Variants in PTK2 observed in about 807,000 individuals in gnomAD.
PTK2 encodes protein tyrosine kinase 2.
Under a neutral mutation model 150.1 loss-of-function variants are expected in PTK2, and 45 were observed. The ratio of observed to expected loss-of-function variants is 0.30; its 90% CI spans 0.24 to 0.38. The LOEUF (loss-of-function observed/expected upper bound fraction) is 0.38. Among genes scored for constraint, PTK2 ranks in the 10% least tolerant of loss-of-function variants. The pLI, the probability that PTK2 is intolerant of heterozygous loss-of-function variation, is 1.00. For missense variants in PTK2, 919 were observed against 1,307.3 expected, an observed-to-expected ratio of 0.70 and a Z score of 4.58; for synonymous variants, 432 against 449.2, an observed-to-expected ratio of 0.96 and a Z score of 0.48.
chr8:140,740,310 G>C (rs1332697992), intron 20 of PTK2, among the ~76,000 whole-genome samples: 1 of 152,202 alleles, frequency 6.6e-6, no homozygotes, highest in Admixed American at 6.5e-5. Flanking sequence ...TAATGACTGA[G>C]AGGATGACCA....
intron 8 of PTK2, among the ~76,000 whole-genome samples, chr8:140,830,075 GCACACACATACACACACACACA>G (rs1192675502): frequency 8.9e-6 from 1 of 111,816 alleles, no homozygotes; most frequent in Non-Finnish European, 1.7e-5. Context: ...TAACATGCAC[GCACACACATACACACACACACA>G]CACACACACA....
rs186986619 is a variant in PTK2 at position 140,698,064 on chromosome 8, C to T, written c.2499+2827G>A. Among the ~76,000 whole-genome samples, 500 of 152,032 alleles carry T rather than the reference C, an allele frequency of 3.3e-3. 3 individuals carry two copies. The highest frequency in any genetic ancestry group is 0.012 in the African/African-American group (486 of 41,460). ...GGAATGTATTTCCTGAGCCTGTCTG[C>T]CCTAAAAATTCCAATTTCTCCTTTA... On this transcript the variant is annotated intron_variant, in intron 26 of 31. Transcript: ENST00000522684.
At position 140,949,582 on chromosome 8, in the gene PTK2, C is replaced by T. The variant is rs558916845; in HGVS notation, c.-121-23833G>A. ...GTCTGTCACAACCTGGCCGAGTATG[C>T]ACATGCTCGAGGCAGCGCTGACACA... On this transcript the variant is annotated intron_variant, in intron 1 of 31. Transcript: ENST00000522684. Among the ~76,000 whole-genome samples, 70 of 152,360 alleles carry T rather than the reference C, an allele frequency of 4.6e-4. No individual in the cohort carries two copies. The South Asian group carries it at 0.013, about 28-fold the overall frequency.
At chr8:140,708,198 C>G (rs60834846) in intron 23 of PTK2, among the ~76,000 whole-genome samples, 4 of 152,002 alleles carry the variant, frequency 2.6e-5, no homozygotes, top group Non-Finnish European at 5.9e-5. Context: ...GGAAAGAAAA[C>G]GCCTTAGTGT....
chr8:140,694,185 C>T lies in PTK2; in HGVS notation c.2499+6706G>A, dbSNP rs552015646. Among the ~76,000 whole-genome samples the T allele has an allele frequency of 4.9e-4, 75 of 151,946 alleles. No individual in the cohort carries two copies. The East Asian group carries it at 0.013, about 27-fold the overall frequency. On this transcript the variant is annotated intron_variant, in intron 26 of 31. Transcript: ENST00000522684. ...CCTCCTGAGTAGCTGGGACTACAGG[C>T]ACCTGCCACTACGCCCAGCTAATTT...
chr8:140,887,295 T>A (rs2100152662), intron 3 of PTK2, among the ~76,000 whole-genome samples: 1 of 152,140 alleles, frequency 6.6e-6, no homozygotes, highest in Non-Finnish European at 1.5e-5. Flanking sequence ...TGGTTTCACA[T>A]CTACAGAAAA....
chr8:140,784,676 T>C (rs1207047923), intron 14 of PTK2, among the ~76,000 whole-genome samples: 1 of 152,178 alleles, frequency 6.6e-6, no homozygotes, highest in Non-Finnish European at 1.5e-5. Context: ...TTCCAAGTTG[T>C]ACCCGAGCTC....
intron 5 of PTK2, among the ~76,000 whole-genome samples, chr8:140,863,026 C>G (rs1394712313): frequency 6.6e-6 from 1 of 152,200 alleles, no homozygotes; most frequent in Non-Finnish European, 1.5e-5. Context: ...GCTTCCTACT[C>G]TCTCAGCTTG....
At chr8:140,902,588 C>A (rs987430987) in intron 2 of PTK2, among the ~76,000 whole-genome samples, 2 of 152,152 alleles carry the variant, frequency 1.3e-5, no homozygotes, top group Non-Finnish European at 2.9e-5. Context: ...AGTGTAAAAG[C>A]GTTCCTATTT....
intron 7 of PTK2, among the ~76,000 whole-genome samples, chr8:140,835,029 GA>G (rs2100117859): frequency 6.6e-6 from 1 of 152,128 alleles, no homozygotes; most frequent in Non-Finnish European, 1.5e-5. Flanking sequence ...AATGCTGCAG[GA>G]AAAGAGGCTG....
chr8:140,811,965 G>C (rs1311491816), intron 10 of PTK2, among the ~76,000 whole-genome samples: 1 of 152,210 alleles, frequency 6.6e-6, no homozygotes, highest in Non-Finnish European at 1.5e-5. Flanking sequence ...GAGCTGGGGA[G>C]AGTGTAAGCA....
chr8:140,793,428 CT>C, intron 12 of PTK2, 44 bp from the exon 13 acceptor site: 4 of 1,593,432 alleles, frequency 2.5e-6, no homozygotes, highest in Non-Finnish European at 3.4e-6. Flanking sequence ...CTTTTCACTC[CT>C]TTTGAAAAGA....
At position 140,710,894 on chromosome 8, in the gene PTK2, GAGA is replaced by G. The variant is rs375847217; in HGVS notation, c.2143-4692_2143-4690del. 2.6e-3 allele frequency among the ~76,000 whole-genome samples: 396 copies of G among 152,332 alleles called. 3 individuals are homozygous for G. Among genetic ancestry groups the G allele is most frequent in the African/African-American group, 9.0e-3 (375 of 41,582 alleles). On this transcript the variant is annotated intron_variant, in intron 23 of 31. Transcript: ENST00000522684. ...GTCAGCATGTGAGATTTCTGGCAAT[GAGA>G]AGGACAGGCCTGAACAGCAGGATTT... is the stretch of plus-strand genomic sequence containing the variant.
chr8:140,716,873 T>C (rs1453579033), intron 23 of PTK2, among the ~76,000 whole-genome samples: 1 of 152,080 alleles, frequency 6.6e-6, no homozygotes, highest in South Asian at 2.1e-4. Flanking sequence ...TGTGTGAAAA[T>C]AGCATCCTGT....
At position 140,830,535 on chromosome 8, in the gene PTK2, TA is replaced by T; in HGVS notation, c.594-10del. 1.3e-6 allele frequency: 2 copies of T among 1,486,378 alleles called. No individual in the cohort carries two copies. The highest frequency in any genetic ancestry group is 2.0e-5 in the Admixed American group (1 of 49,778). 92.1% of individuals were successfully genotyped at this position (1,486,378 alleles called of 1,614,324 possible). Reference sequence around the variant, plus strand: ...TTAAACCAACATCTTTTCTGAAATATAAAAAGAAGCGTATTAACAAATAACA... The same window carrying T: ...TTAAACCAACATCTTTTCTGAAATATAAAAGAAGCGTATTAACAAATAACA... On this transcript the variant is annotated splice_polypyrimidine_tract_variant and intron_variant, in intron 7 of 31. Coordinates refer to ENST00000522684, the Ensembl canonical transcript of PTK2.
intron 10 of PTK2, among the ~76,000 whole-genome samples, chr8:140,805,029 T>C (rs969782293): frequency 1.3e-5 from 2 of 152,210 alleles, no homozygotes; most frequent in Non-Finnish European, 2.9e-5. Flanking sequence ...TGCAGGGCTC[T>C]GTGCTGGGTG....
At chr8:140,945,658 CT>C (rs2100177450) in intron 1 of PTK2, among the ~76,000 whole-genome samples, 1 of 151,952 alleles carries the variant, frequency 6.6e-6, no homozygotes, top group Admixed American at 6.6e-5. Context: ...CCCATTTAAA[CT>C]TTTTTAAAGC....
chr8:140,864,242 A>G, intron 5 of PTK2, 70 bp downstream of exon 5: 1 of 916,228 alleles, frequency 1.1e-6, no homozygotes, highest in Non-Finnish European at 1.6e-6. Context: ...TCAAATTTGA[A>G]AATAAAAATA....
intron 1 of PTK2, among the ~76,000 whole-genome samples, chr8:140,961,043 G>A (rs1157407213): frequency 6.6e-6 from 1 of 152,206 alleles, no homozygotes; most frequent in African/African-American, 2.4e-5. Flanking sequence ...TTTAAAGTCA[G>A]AAAAGCAGCA....
Sources: allele counts gnomAD v4.1 joint callset (sites outside exome capture counted in the v4.1 genomes callset), GRCh38; gene constraint gnomAD v4.1.1; transcripts MANE v1.5; gene names NCBI Gene and HGNC (gene_info 2026-07-23, HGNC 2026-07-21).